SNX14: variants seen among roughly 807,000 people sequenced by gnomAD.
SNX14 encodes the protein sorting nexin-14.
SNX14 carries 93 observed loss-of-function variants against 133.8 expected under a neutral mutation model. That is an observed-to-expected ratio of 0.70 (90% CI 0.59 to 0.83). The LOEUF (loss-of-function observed/expected upper bound fraction) is 0.83. Ranked by LOEUF, SNX14 falls within the 40% of genes least tolerant of loss-of-function variation. SNX14 has a pLI of 0.00. For synonymous variants in SNX14, 368 were observed against 365.6 expected (o/e 1.01, Z -0.07); for missense variants, 945 against 1,094.9 (o/e 0.86, Z 1.93).
intron 1 of SNX14, among the ~76,000 whole-genome samples, chr6:85,585,007 C>T: frequency 6.6e-6 from 1 of 152,150 alleles, no homozygotes; most frequent in African/African-American, 2.4e-5. Flanking sequence ...CCGAAATGCC[C>T]ATCAGTGATA....
chr6:85,553,899 T>C (rs1788722578), intron 7 of SNX14, among the ~76,000 whole-genome samples: 1 of 152,160 alleles, frequency 6.6e-6, no homozygotes, highest in Non-Finnish European at 1.5e-5. Flanking sequence ...ACACATAATA[T>C]ATAAATTAAA....
chr6:85,510,604 A>G (rs1772447374), intron 26 of SNX14, among the ~76,000 whole-genome samples: 1 of 152,138 alleles, frequency 6.6e-6, no homozygotes, highest in Non-Finnish European at 1.5e-5. Context: ...TCACAAAGCA[A>G]AATTTTTAAT....
chr6:85,506,352 T>G (rs1770673873), intron 28 of SNX14, among the ~76,000 whole-genome samples: 1 of 152,012 alleles, frequency 6.6e-6, no homozygotes, highest in South Asian at 2.1e-4. Context: ...AGTCTCACTC[T>G]GTCACCCAGG....
intron 1 of SNX14, among the ~76,000 whole-genome samples, chr6:85,578,612 G>T (rs1583079093): frequency 6.6e-6 from 1 of 152,288 alleles, no homozygotes. Flanking sequence ...TGGAAGGGAT[G>T]GAGTTAAAGA....
At chr6:85,549,923 T>A (rs998440184) in intron 7 of SNX14, 44 bp from the exon 8 acceptor site, 14 of 1,535,746 alleles carry the variant, frequency 9.1e-6, no homozygotes, top group Non-Finnish European at 1.2e-5. Context: ...TAAGTGACAT[T>A]AAATAATTTC....
intron 15 of SNX14, among the ~76,000 whole-genome samples, chr6:85,541,478 T>C (rs1783740468): frequency 1.3e-5 from 2 of 152,180 alleles, no homozygotes; most frequent in Non-Finnish European, 2.9e-5. Context: ...ACATGTAACC[T>C]TGCAAACACA....
intron 23 of SNX14, among the ~76,000 whole-genome samples, chr6:85,516,288 T>C (rs1389712903): frequency 6.6e-6 from 1 of 152,212 alleles, no homozygotes; most frequent in East Asian, 1.9e-4. Context: ...AATAAACACC[T>C]TTACATGTTA....
intron 1 of SNX14, among the ~76,000 whole-genome samples, chr6:85,577,255 A>T (rs1402222024): frequency 6.6e-6 from 1 of 152,050 alleles, no homozygotes; most frequent in Non-Finnish European, 1.5e-5. Context: ...CTCTACTAAA[A>T]ATAAAAATAA....
intron 2 of SNX14, 147 bp downstream of exon 2, chr6:85,574,111 A>T (rs1796536917): frequency 2.2e-6 from 1 of 450,142 alleles, no homozygotes; most frequent in African/African-American, 4.0e-5. Flanking sequence ...CAGAGTACCT[A>T]AAAAAAACAA....
At chr6:85,553,154 C>T (rs775075354) in intron 7 of SNX14, among the ~76,000 whole-genome samples, 24 of 152,148 alleles carry the variant, frequency 1.6e-4, no homozygotes, top group Non-Finnish European at 2.9e-4. Flanking sequence ...GCTGAAAATC[C>T]CAGTGTCAGT....
At chr6:85,570,778 G>A (rs558946397) in intron 4 of SNX14, among the ~76,000 whole-genome samples, 52 of 152,028 alleles carry the variant, frequency 3.4e-4, no homozygotes, top group African/African-American at 1.2e-3. Context: ...GTTTGAACTC[G>A]GGAGGCGGAG....
At position 85,536,816 on chromosome 6, in the gene SNX14, A is replaced by G. The variant is rs1782109650; in HGVS notation, c.1584T>C (p.Gly528=). Residue 528 remains glycine, a synonymous_variant, in exon 17 of 29, where the codon GGT becomes GGC. Transcript: ENST00000314673. The part of the protein sequence containing the change: ...TMEGAMLPNY[G]VAEGEDDFIE... ...CAAAATCATCTTCACCTTCAGCTAC[A>G]CCATAATTAGGCAACATAGCTCCCT... 5.0e-6 allele frequency: 8 copies of G among 1,612,688 alleles called. No homozygotes were observed. The highest frequency in any genetic ancestry group is 6.8e-6 in the Non-Finnish European group (8 of 1,179,492).
At chr6:85,592,621 G>A (rs1202668660) in intron 1 of SNX14, among the ~76,000 whole-genome samples, 1 of 152,178 alleles carries the variant, frequency 6.6e-6, no homozygotes, top group Non-Finnish European at 1.5e-5. Context: ...AATGTCAATT[G>A]AATTTATCAA....
chr6:85,592,718 G>A (rs1167906530), intron 1 of SNX14, among the ~76,000 whole-genome samples: 4 of 151,950 alleles, frequency 2.6e-5, no homozygotes, highest in African/African-American at 9.7e-5. Context: ...GGCCGGGTGC[G>A]GTGGCTCACG....
At chr6:85,555,543 T>C (rs1789421311) in intron 7 of SNX14, among the ~76,000 whole-genome samples, 1 of 152,134 alleles carries the variant, frequency 6.6e-6, no homozygotes, top group South Asian at 2.1e-4. Flanking sequence ...AGTAAAAAGA[T>C]CAGTGGTTGC....
At chr6:85,540,233 AT>A (rs1783241130) in intron 15 of SNX14, among the ~76,000 whole-genome samples, 2 of 152,192 alleles carry the variant, frequency 1.3e-5, no homozygotes, top group Non-Finnish European at 1.5e-5. Flanking sequence ...AATTGTTGGG[AT>A]TACAGGCGTG....
chr6:85,514,228 AC>A lies in SNX14; in HGVS notation c.2398del (p.Val800Ter). ...AAGCCAGTCAGGAACCTGGAAAACT[AC>A]CCGTCCTGAGAAAGGATCAAATGGG... Reference protein sequence around the residue: ...VYDYLMYVGRVVFQVPDWLHH... With the variant: ...VYDYLMYVGRXVFQVPDWLHH... On this transcript the variant is annotated frameshift_variant, in exon 25 of 29. Coordinates refer to ENST00000314673, the MANE Select transcript of SNX14 (RefSeq NM_153816.6). LOFTEE classifies it high-confidence loss of function. 6.2e-7 allele frequency: 1 copy of A among 1,610,162 alleles called. No homozygotes were observed. The highest frequency in any genetic ancestry group is 8.5e-7 in the Non-Finnish European group (1 of 1,178,874).
intron 6 of SNX14, among the ~76,000 whole-genome samples, chr6:85,560,045 T>C (rs1470505488): frequency 1.3e-5 from 2 of 152,190 alleles, no homozygotes; most frequent in South Asian, 2.1e-4. Context: ...CTGATGGGAA[T>C]GTAAATGGTG....
At chr6:85,551,730 T>C (rs1025179235) in intron 7 of SNX14, among the ~76,000 whole-genome samples, 3 of 152,238 alleles carry the variant, frequency 2.0e-5, no homozygotes, top group African/African-American at 7.2e-5. Flanking sequence ...GTGTTCACAA[T>C]AGAATATGGC....
Sources: allele counts gnomAD v4.1 joint callset (sites outside exome capture counted in the v4.1 genomes callset), GRCh38; gene constraint gnomAD v4.1.1; transcripts MANE v1.5; gene names NCBI Gene and HGNC (gene_info 2026-07-23, HGNC 2026-07-21).